The following RGS3 variants were observed in gnomAD, a reference collection of about 807,000 sequenced individuals.
RGS3 encodes the protein regulator of G-protein signalling 3.
In RGS3, 80 loss-of-function variants were observed where a neutral mutation model predicts 132.6. The observed-to-expected ratio is 0.60, with a 90% CI of 0.50 to 0.73. The LOEUF is 0.73. Among genes scored for constraint, RGS3 ranks in the 30% least tolerant of loss-of-function variants. RGS3 has a pLI of 0.00. For missense variants in RGS3, 1,382 were observed against 1,530.8 expected (o/e 0.90, Z 1.62); for synonymous variants, 598 against 620.6 (o/e 0.96, Z 0.54).
At chr9:113,535,225 G>A (rs532272243) in intron 18 of RGS3, among the ~76,000 whole-genome samples, 22 of 152,190 alleles carry the variant, frequency 1.4e-4, no homozygotes, top group Middle Eastern at 3.4e-3. Flanking sequence ...CCAGGCTGGG[G>A]TACAGTGGTG....
chr9:113,481,897 T>C (rs760675715), intron 4 of RGS3, among the ~76,000 whole-genome samples: 12 of 152,054 alleles, frequency 7.9e-5, no homozygotes, highest in Middle Eastern at 3.4e-3. Flanking sequence ...AAATACAAAA[T>C]TAGCCGGGTG....
Position 113,452,128 on chromosome 9 carries a change from A to G in RGS3, c.-13+7201A>G, listed in dbSNP as rs1199476067. 4.6e-5 allele frequency among the ~76,000 whole-genome samples: 7 copies of G among 152,184 alleles called. No homozygotes were observed. The South Asian group carries it at 1.5e-3, about 32-fold the overall frequency. Reference sequence around the variant, plus strand: ...ATCCTCCCACCTCAGCCTCCCGAGTAGCTAGGACTACAGGCATGCACCACC... The same window carrying G: ...ATCCTCCCACCTCAGCCTCCCGAGTGGCTAGGACTACAGGCATGCACCACC... On this transcript the variant is annotated intron_variant, in intron 1 of 25. Transcript: ENST00000374140.
chr9:113,470,069 C>G (rs1564455354), intron 3 of RGS3, among the ~76,000 whole-genome samples: 1 of 152,030 alleles, frequency 6.6e-6, no homozygotes, highest in African/African-American at 2.4e-5. Context: ...CACTACCATG[C>G]CTGGCTAATT....
intron 3 of RGS3, among the ~76,000 whole-genome samples, chr9:113,470,323 C>G (rs1215895195): frequency 6.6e-6 from 1 of 152,144 alleles, no homozygotes; most frequent in African/African-American, 2.4e-5. Flanking sequence ...CCTGTTTTCT[C>G]TGTCAGTTCC....
chr9:113,465,678 C>A (rs1829616781), intron 3 of RGS3, among the ~76,000 whole-genome samples: 1 of 152,186 alleles, frequency 6.6e-6, no homozygotes, highest in Non-Finnish European at 1.5e-5. Flanking sequence ...GTGGATCTTC[C>A]TGCCCAGCCA....
intron 10 of RGS3, among the ~76,000 whole-genome samples, chr9:113,500,744 G>A (rs1159725581): frequency 2.7e-5 from 4 of 146,746 alleles, no homozygotes; most frequent in East Asian, 2.0e-4. Context: ...CTGGAGTACC[G>A]TGGCATGATC....
Position 113,568,361 on chromosome 9 carries a change from C to T in RGS3, c.2038-15089C>T, listed in dbSNP as rs548730404. On this transcript the variant is annotated intron_variant, in intron 19 of 24. Transcript: ENST00000350696. ...TGTGCAATAGACAAAGCCCCTTGGT[C>T]GGTGGGCTGGAGACTGCGGCACCTT... 2.6e-5 allele frequency among the ~76,000 whole-genome samples: 4 copies of T among 152,348 alleles called. No individual in the cohort carries two copies. The East Asian group carries it at 5.8e-4, about 22-fold the overall frequency.
intron 19 of RGS3, chr9:113,581,808 G>A (rs1179668513): frequency 6.5e-6 from 1 of 153,364 alleles, no homozygotes; most frequent in Non-Finnish European, 1.4e-5. Flanking sequence ...GGGCCCTTGT[G>A]TGGAGTCACC....
chr9:113,454,817 T>C (rs192476758), intron 1 of RGS3, among the ~76,000 whole-genome samples: 1 of 151,792 alleles, frequency 6.6e-6, no homozygotes, highest in Non-Finnish European at 1.5e-5. Context: ...GTCTTTCCAC[T>C]CTGGTTGATG....
At chr9:113,587,521 C>T (rs1394511939) in intron 20 of RGS3, among the ~76,000 whole-genome samples, 1 of 152,188 alleles carries the variant, frequency 6.6e-6, no homozygotes, top group African/African-American at 2.4e-5. Context: ...ACGGAGTCCC[C>T]CGGGAGTTGT....
intron 14 of RGS3, among the ~76,000 whole-genome samples, chr9:113,510,252 G>C (rs1265439383): frequency 6.6e-6 from 1 of 152,206 alleles, no homozygotes; most frequent in African/African-American, 2.4e-5. Flanking sequence ...CCAGGTCGCT[G>C]CAAATGCCGT....
At chr9:113,447,896 C>T (rs1230847173) in intron 1 of RGS3, among the ~76,000 whole-genome samples, 1 of 148,480 alleles carries the variant, frequency 6.7e-6, no homozygotes, top group African/African-American at 2.5e-5. Context: ...GTTGCCCAGG[C>T]TGCCAGGTTG....
intron 14 of RGS3, among the ~76,000 whole-genome samples, chr9:113,513,899 G>A (rs1485443074): frequency 6.6e-6 from 1 of 152,210 alleles, no homozygotes; most frequent in South Asian, 2.1e-4. Context: ...GCTGCAGAGA[G>A]TGGATTTTTG....
intron 19 of RGS3, among the ~76,000 whole-genome samples, chr9:113,561,111 C>A (rs558028457): frequency 2.9e-4 from 44 of 152,202 alleles, no homozygotes; most frequent in African/African-American, 8.9e-4. Context: ...GCAATCTTCA[C>A]CTCCCAGATT....
At chr9:113,457,652 G>C (rs1427711083), upstream of RGS3, among the ~76,000 whole-genome samples, 1 of 152,234 alleles carries the variant, frequency 6.6e-6, no homozygotes, top group East Asian at 1.9e-4. Flanking sequence ...CTGGGAGCTG[G>C]ATTTTTATTT....
At chr9:113,521,934 A>C (rs1339996186) in intron 16 of RGS3, among the ~76,000 whole-genome samples, 1 of 152,226 alleles carries the variant, frequency 6.6e-6, no homozygotes, top group Non-Finnish European at 1.5e-5. Context: ...TGATATCTCA[A>C]AGGGAAGTTC....
intron 22 of RGS3, 49 bp downstream of exon 20, chr9:113,594,580 C>A (rs749003598): frequency 6.9e-7 from 1 of 1,452,846 alleles, no homozygotes; most frequent in Non-Finnish European, 9.6e-7. Flanking sequence ...TCACTGGCTC[C>A]CCGGGGAGTA....
chr9:113,563,827 G>A (rs1054043920), intron 19 of RGS3, among the ~76,000 whole-genome samples: 8 of 151,356 alleles, frequency 5.3e-5, no homozygotes, highest in African/African-American at 1.7e-4. Flanking sequence ...GTCAGAGATA[G>A]ACAGGGGCAG....
intron 10 of RGS3, among the ~76,000 whole-genome samples, chr9:113,502,266 T>C (rs1003867955): frequency 6.6e-6 from 1 of 152,176 alleles, no homozygotes; most frequent in African/African-American, 2.4e-5. Flanking sequence ...TTTTTTCTCA[T>C]AAAATAGGAA....
Sources: gnomAD v4.1 joint callset for allele counts (sites outside exome capture counted in the v4.1 genomes callset) on GRCh38, gnomAD v4.1.1 for gene constraint, MANE v1.5 for transcripts, NCBI Gene and HGNC (gene_info 2026-07-23, HGNC 2026-07-21) for gene names.